MECOM: variants seen among roughly 807,000 people sequenced by gnomAD.
MECOM encodes histone-lysine N-methyltransferase MECOM.
A neutral mutation model predicts 116.3 loss-of-function variants in MECOM; 13 were observed. That is an observed-to-expected ratio of 0.11 (90% CI 0.07 to 0.18). The LOEUF is 0.18. Ranked by LOEUF, MECOM falls within the 10% of genes least tolerant of loss-of-function variation. MECOM has a pLI of 1.00. For missense variants in MECOM, 1,299 were observed against 1,509.0 expected, an observed-to-expected ratio of 0.86 and a Z score of 2.31; for synonymous variants, 528 against 535.2, an observed-to-expected ratio of 0.99 and a Z score of 0.19.
chr3:169,581,296 C>T (rs572348971), intron 1 of MECOM, among the ~76,000 whole-genome samples: 1 of 152,032 alleles, frequency 6.6e-6, no homozygotes, highest in Non-Finnish European at 1.5e-5. Flanking sequence ...GCACTATTAT[C>T]GATAAGTTCT....
chr3:169,102,332 C>T (rs1723868800), intron 10 of MECOM, 106 bp from the exon 11 acceptor site: 11 of 1,025,224 alleles, frequency 1.1e-5, no homozygotes, highest in South Asian at 2.0e-5. Flanking sequence ...AAATCTGCGA[C>T]GGGTTGTAGA....
rs139152815 is a variant in MECOM, at chr3:169,184,723, G to A, written c.376-40891C>T. On this transcript the variant is annotated intron_variant, in intron 2 of 16. Transcript: ENST00000651503. ...AAACTACTGCTATGGACAACAGGGAGCCAGAGTAATGCCTTAAGTAAATAA... is the reference window on the plus strand; with the variant it reads ...AAACTACTGCTATGGACAACAGGGAACCAGAGTAATGCCTTAAGTAAATAA... 1.8e-3 allele frequency among the ~76,000 whole-genome samples: 278 copies of A among 152,276 alleles called. 3 individuals are homozygous for A. Among genetic ancestry groups the A allele is most frequent in the Middle Eastern group, 6.8e-3 (2 of 294 alleles).
At chr3:169,594,886 AAAAAAC>A (rs1404180432) in intron 1 of MECOM, among the ~76,000 whole-genome samples, 12 of 151,186 alleles carry the variant, frequency 7.9e-5, no homozygotes, top group Admixed American at 6.6e-4. Context: ...CTGAAAAAAA[AAAAAAC>A]AAAAAAAAAA....
Position 169,402,977 on chromosome 3 carries a change from A to G in MECOM, c.38-21453T>C, listed in dbSNP as rs1173072009. On this transcript the variant is annotated intron_variant, in intron 1 of 16. Coordinates refer to ENST00000651503, the MANE Select transcript of MECOM (RefSeq NM_004991.4). ...ATAGGCACTTATTAAGCAAAATTCA[A>G]CTTACATGTTATTTATTCCTACTGT... Among the ~76,000 whole-genome samples the G allele has an allele frequency of 3.3e-5, 5 of 152,218 alleles. No homozygotes were observed. The South Asian group carries it at 1.0e-3, about 32-fold the overall frequency.
chr3:169,311,433 A>G (rs1047895619), intron 2 of MECOM, among the ~76,000 whole-genome samples: 29 of 152,220 alleles, frequency 1.9e-4, no homozygotes, highest in African/African-American at 6.5e-4. Flanking sequence ...AATTTGAATG[A>G]TATACCTATC....
At chr3:169,326,509 T>C (rs1721852516) in intron 2 of MECOM, among the ~76,000 whole-genome samples, 1 of 152,134 alleles carries the variant, frequency 6.6e-6, no homozygotes, top group Non-Finnish European at 1.5e-5. Context: ...TAAGCTTTGA[T>C]TTTTGGATTC....
At position 169,116,213 on chromosome 3, in the gene MECOM, G is replaced by T. The variant is rs779326112; in HGVS notation, c.1659C>A (p.Asp553Glu). The change falls in exon 8 of 17, where the codon GAC (aspartate) becomes GAA (glutamate). Residue 553 changes from aspartate (D) to glutamate (E), a missense_variant. Physicochemically the swap from Asp to Glu is conservative, Grantham distance 45. This residue lies in a region of MECOM where 238 missense variants were observed against 273.1 expected (regional missense o/e 0.87). Coordinates refer to ENST00000651503, the MANE Select transcript of MECOM (RefSeq NM_004991.4). The stretch of plus-strand genomic sequence containing the variant: ...CGGGCTGGAGCTCCACTGGCTTATT[G>T]TCCCCTACAGATGGGTGTTTAGATA... ...KALSKHPSVG[D>E]NKPVELQPER... The T allele has an allele frequency of 2.5e-6, 4 of 1,613,990 alleles. No individual in the cohort carries two copies. The African/African-American group carries it at 4.0e-5, about 16-fold the overall frequency.
At chr3:169,525,329 C>G (rs1338308603) in intron 1 of MECOM, among the ~76,000 whole-genome samples, 2 of 152,136 alleles carry the variant, frequency 1.3e-5, no homozygotes, top group East Asian at 3.9e-4. Context: ...AGTAAGGAAT[C>G]AATTCAAGGA....
In MECOM at chr3:169,107,944, C is replaced by T; in HGVS notation, c.2586G>A (p.Leu862=). The change falls in exon 10 of 17, where the codon CTG becomes CTA. Residue 862 remains leucine, a synonymous_variant. Transcript: ENST00000651503. ...PGFLFHPQFQ[L]PDQRTWMSAI... is the part of the protein sequence containing the mutation. Reference sequence around the variant, plus strand: ...AACTTACCCAAGTTCTCTGATCAGGCAGTTGGAACTGGGAGCAAAATTGAA... The same window carrying T: ...AACTTACCCAAGTTCTCTGATCAGGTAGTTGGAACTGGGAGCAAAATTGAA... 1 of 1,612,750 alleles carries T rather than the reference C, an allele frequency of 6.2e-7. No individual in the cohort carries two copies. Among genetic ancestry groups the T allele is most frequent in the South Asian group, 1.1e-5 (1 of 90,824 alleles).
At chr3:169,464,030 C>T (rs1259413949) in intron 1 of MECOM, 1 of 152,060 alleles carries the variant, frequency 6.6e-6, no homozygotes, top group African/African-American at 2.4e-5. Flanking sequence ...AGAGTGGAAA[C>T]CAGGCAGAAG....
chr3:169,249,573 C>T (rs967082889), intron 2 of MECOM, among the ~76,000 whole-genome samples: 1 of 152,138 alleles, frequency 6.6e-6, no homozygotes, highest in East Asian at 1.9e-4. Context: ...CTTTTTAAAA[C>T]ATTGATCCTT....
chr3:169,153,894 G>A (rs1378598536), intron 2 of MECOM, among the ~76,000 whole-genome samples: 1 of 152,126 alleles, frequency 6.6e-6, no homozygotes, highest in East Asian at 1.9e-4. Context: ...TTTGTGTAAC[G>A]GGTTACAGTA....
intron 2 of MECOM, chr3:169,147,435 G>C (rs1230122911): frequency 1.0e-6 from 1 of 985,346 alleles, no homozygotes; most frequent in Admixed American, 6.1e-5. Context: ...CGGGGCGAGG[G>C]AGAAAGGGAG....
In MECOM at chr3:169,611,597, T is replaced by C. The variant is rs1769282037; in HGVS notation, c.37+51739A>G. 6.6e-6 allele frequency among the ~76,000 whole-genome samples: 1 copy of C among 152,236 alleles called. No homozygotes were observed. On this transcript the variant is annotated intron_variant, in intron 1 of 16. Transcript: ENST00000651503. This position sits in a 1 kb window ranked among gnomAD's most constrained non-coding sequence, Gnocchi z 4.1. ...AGAATATTAACATGTCCTGTTTCCA[T>C]TGCTTTCCTTCTGACTTAAAGAGCG...
intron 2 of MECOM, among the ~76,000 whole-genome samples, chr3:169,200,053 T>C (rs536346281): frequency 6.6e-6 from 1 of 152,168 alleles, no homozygotes; most frequent in Admixed American, 6.6e-5. Flanking sequence ...GTTAAGTAGA[T>C]TTACATGAAT....
intron 1 of MECOM, among the ~76,000 whole-genome samples, chr3:169,540,528 C>T (rs1323535238): frequency 6.6e-6 from 1 of 152,192 alleles, no homozygotes; most frequent in Non-Finnish European, 1.5e-5. Flanking sequence ...CTTCTAGTGC[C>T]TTTAAAATAA....
intron 2 of MECOM, among the ~76,000 whole-genome samples, chr3:169,158,447 T>A (rs931697657): frequency 1.3e-5 from 2 of 152,126 alleles, no homozygotes; most frequent in East Asian, 3.9e-4. Context: ...TGAATGAGCC[T>A]TTACCCAGGA....
chr3:169,131,348 C>A, intron 4 of MECOM, 81 bp downstream of exon 4: 2 of 1,199,930 alleles, frequency 1.7e-6, no homozygotes, highest in East Asian at 2.4e-5. Flanking sequence ...CTAACAAACA[C>A]CAGGAACAAT....
intron 1 of MECOM, among the ~76,000 whole-genome samples, chr3:169,442,044 G>A (rs905133241): frequency 3.3e-5 from 5 of 152,094 alleles, no homozygotes; most frequent in Non-Finnish European, 7.4e-5. Context: ...TCCTACCTCA[G>A]CCTCCTGAGT....
Sources: gnomAD v4.1 joint callset for allele counts (sites outside exome capture counted in the v4.1 genomes callset) on GRCh38, gnomAD v4.1.1 for gene constraint, gnomAD v4.1.1 regional missense constraint, Gnocchi (gnomAD v3.1) non-coding constraint, MANE v1.5 for transcripts, NCBI Gene and HGNC (gene_info 2026-07-23, HGNC 2026-07-21) for gene names.